The following LRP1B variants were observed in gnomAD, a reference collection of about 807,000 sequenced individuals.
LRP1B encodes low-density lipoprotein receptor-related protein 1B.
A neutral mutation model predicts 556.6 loss-of-function variants in LRP1B; 217 were observed. That is an observed-to-expected ratio of 0.39 (90% confidence interval 0.35 to 0.44). The LOEUF is 0.44. Among genes scored for constraint, LRP1B ranks in the 20% least tolerant of loss-of-function variants. The probability of loss-of-function intolerance (pLI) is 1.00; values close to 1 mark genes in which losing one functional copy is unlikely to be tolerated. For synonymous variants in LRP1B, 2,047 were observed against 1,865.8 expected, an observed-to-expected ratio of 1.10 and a Z score of -2.50; for missense variants, 5,053 against 5,620.8, an observed-to-expected ratio of 0.90 and a Z score of 3.23.
At chr2:141,199,218 C>T (rs1179141670) in intron 6 of LRP1B, among the ~76,000 whole-genome samples, 2 of 152,126 alleles carry the variant, frequency 1.3e-5, no homozygotes, top group Admixed American at 1.3e-4. Context: ...AATACATCAT[C>T]AATATCTTTA....
intron 77 of LRP1B, among the ~76,000 whole-genome samples, chr2:140,344,803 A>G (rs535727779): frequency 2.0e-5 from 3 of 151,834 alleles, no homozygotes; most frequent in Non-Finnish European, 4.4e-5. Context: ...ACAAGGAAGT[A>G]AGGGAAGAGA....
At chr2:141,241,800 A>G (rs1216579922) in intron 5 of LRP1B, among the ~76,000 whole-genome samples, 1 of 152,052 alleles carries the variant, frequency 6.6e-6, no homozygotes, top group Non-Finnish European at 1.5e-5. Flanking sequence ...TGTCATTACT[A>G]TGCTGGTGCT....
At chr2:141,642,060 C>T in intron 2 of LRP1B, among the ~76,000 whole-genome samples, 2 of 152,182 alleles carry the variant, frequency 1.3e-5, no homozygotes, top group Admixed American at 1.3e-4. Flanking sequence ...AATTTCCGCT[C>T]TGCCATTTAC....
At chr2:140,537,976 A>G (rs1409948377) in intron 45 of LRP1B, among the ~76,000 whole-genome samples, 1 of 152,070 alleles carries the variant, frequency 6.6e-6, no homozygotes, top group Non-Finnish European at 1.5e-5. Context: ...TTGCTTGCTG[A>G]ATAATTGTAC....
At chr2:141,311,082 GC>G (rs1686796511) in intron 3 of LRP1B, among the ~76,000 whole-genome samples, 1 of 152,054 alleles carries the variant, frequency 6.6e-6, no homozygotes, top group African/African-American at 2.4e-5. Context: ...GCATTGACCT[GC>G]ATATAGGAAT....
At chr2:140,304,087 CTT>C (rs1169634509) in intron 83 of LRP1B, among the ~76,000 whole-genome samples, 2 of 152,140 alleles carry the variant, frequency 1.3e-5, no homozygotes, top group African/African-American at 4.8e-5. Flanking sequence ...GGTTCCAAGT[CTT>C]TGCTATTGTG....
chr2:140,865,923 A>G (rs1692935916), intron 27 of LRP1B, among the ~76,000 whole-genome samples: 1 of 152,094 alleles, frequency 6.6e-6, no homozygotes, highest in Non-Finnish European at 1.5e-5. Context: ...AAAGCTTGAG[A>G]GTATCGTGGT....
In LRP1B at chr2:141,353,478, G is replaced by A. The variant is rs569108227; in HGVS notation, c.344-98837C>T. On this transcript the variant is annotated intron_variant, in intron 3 of 90. Transcript: ENST00000389484. ...CCCCAAACTCCATATTTCATTAAGA[G>A]AAACATCTTATTTTGTAAATTTCTT... Among the ~76,000 whole-genome samples, 103 of 152,044 alleles carry A rather than the reference G, an allele frequency of 6.8e-4. 1 individual carries two copies. The highest frequency in any genetic ancestry group is 2.4e-3 in the African/African-American group (101 of 41,500).
chr2:140,579,920 C>T (rs1301572206), intron 43 of LRP1B, among the ~76,000 whole-genome samples: 1 of 152,184 alleles, frequency 6.6e-6, no homozygotes, highest in Non-Finnish European at 1.5e-5. Context: ...TTTCTGCTTT[C>T]CTTCTCTCCT....
chr2:140,813,886 G>GA (rs1691014474), intron 31 of LRP1B, 80 bp from the exon 32 acceptor site: 4 of 1,005,098 alleles, frequency 4.0e-6, no homozygotes, highest in African/African-American at 1.7e-5. Flanking sequence ...GGATTTGAGG[G>GA]GAAAAAAATA....
chr2:141,414,533 A>C (rs556676819), intron 3 of LRP1B, among the ~76,000 whole-genome samples: 11 of 152,246 alleles, frequency 7.2e-5, no homozygotes, highest in South Asian at 6.2e-4. Flanking sequence ...TTAATTTTTG[A>C]TTTCCCCAGC....
chr2:141,754,143 T>A (rs1694238420), intron 2 of LRP1B, among the ~76,000 whole-genome samples: 1 of 152,178 alleles, frequency 6.6e-6, no homozygotes, highest in Non-Finnish European at 1.5e-5. Context: ...ATAAGAAACT[T>A]AATTCATAAG....
At chr2:141,490,370 C>CGTGTGTGT (rs767310378) in intron 2 of LRP1B, among the ~76,000 whole-genome samples, 184 of 121,304 alleles carry the variant, frequency 1.5e-3, no homozygotes, top group African/African-American at 5.2e-3. Flanking sequence ...AAAATAGCCT[C>CGTGTGTGT]GTGTGTGTGT....
chr2:141,557,788 C>A (rs72976082), intron 2 of LRP1B, among the ~76,000 whole-genome samples: 4,273 of 151,956 alleles, frequency 0.028, 221 homozygotes, highest in African/African-American at 0.095. Context: ...GTTTGAGTCA[C>A]TGAATTTTTG....
chr2:141,353,440 T>C (rs549208151), intron 3 of LRP1B, among the ~76,000 whole-genome samples: 1 of 152,130 alleles, frequency 6.6e-6, no homozygotes, highest in African/African-American at 2.4e-5. Context: ...TATTGCCTGA[T>C]ACACTTTTGT....
chr2:141,532,814 C>T lies in LRP1B; in HGVS notation c.206-52281G>A, dbSNP rs188275573. Reference sequence around the variant, plus strand: ...CAGCCTGGCCAAAATAGTGAAACCCCGTCTCTACTAAAAATACAAAAATTA... The same window carrying T: ...CAGCCTGGCCAAAATAGTGAAACCCTGTCTCTACTAAAAATACAAAAATTA... On this transcript the variant is annotated intron_variant, in intron 2 of 90. Coordinates refer to ENST00000389484, the MANE Select transcript of LRP1B (RefSeq NM_018557.3). Among the ~76,000 whole-genome samples, 741 of 152,050 alleles carry T rather than the reference C, an allele frequency of 4.9e-3. 6 individuals are homozygous for T. The highest frequency in any genetic ancestry group is 0.017 in the African/African-American group (716 of 41,480).
chr2:140,563,215 C>T (rs1223688576), intron 43 of LRP1B, among the ~76,000 whole-genome samples: 2 of 151,968 alleles, frequency 1.3e-5, no homozygotes, highest in Non-Finnish European at 2.9e-5. Flanking sequence ...CACACACATA[C>T]ACACATGCAC....
intron 87 of LRP1B, among the ~76,000 whole-genome samples, chr2:140,241,931 G>A (rs890657749): frequency 2.0e-5 from 3 of 150,750 alleles, no homozygotes; most frequent in Non-Finnish European, 3.0e-5. Context: ...ACTTATTAAG[G>A]GTGGAGGGGA....
chr2:141,072,267 A>C (rs1388578607), intron 7 of LRP1B, among the ~76,000 whole-genome samples: 1 of 152,048 alleles, frequency 6.6e-6, no homozygotes, highest in East Asian at 1.9e-4. Context: ...CACTGACAGC[A>C]CCCATCCTTG....
Sources: allele counts gnomAD v4.1 joint callset (sites outside exome capture counted in the v4.1 genomes callset), GRCh38; gene constraint gnomAD v4.1.1; transcripts MANE v1.5; gene names NCBI Gene and HGNC (gene_info 2026-07-23, HGNC 2026-07-21).